The following ADAM10 variants were observed in gnomAD, a reference collection of about 807,000 sequenced individuals.
The protein encoded by ADAM10 is ADAM metallopeptidase domain 10.
Under a neutral mutation model 90.1 loss-of-function variants are expected in ADAM10, and 17 were observed. The observed-to-expected ratio is 0.19, with a 90% CI of 0.13 to 0.28. The LOEUF is 0.28. Among genes scored for constraint, ADAM10 ranks in the 10% least tolerant of loss-of-function variants. ADAM10 has a pLI of 1.00. For synonymous variants in ADAM10, 310 were observed against 298.6 expected (o/e 1.04, Z -0.40); for missense variants, 610 against 914.3 (o/e 0.67, Z 4.29).
At chr15:58,630,873 A>C (rs533613384) in intron 9 of ADAM10, among the ~76,000 whole-genome samples, 3 of 152,116 alleles carry the variant, frequency 2.0e-5, no homozygotes, top group Non-Finnish European at 2.9e-5. Flanking sequence ...TGTCCCCCCA[A>C]ATTTGATCCC....
At chr15:58,641,257 A>G (rs1161738135) in intron 7 of ADAM10, among the ~76,000 whole-genome samples, 1 of 152,234 alleles carries the variant, frequency 6.6e-6, no homozygotes, top group Non-Finnish European at 1.5e-5. Flanking sequence ...AGAAAAAACA[A>G]GTTTTGCTTT....
intron 14 of ADAM10, among the ~76,000 whole-genome samples, chr15:58,602,804 T>TC (rs1895150708): frequency 6.6e-6 from 1 of 152,176 alleles, no homozygotes; most frequent in Non-Finnish European, 1.5e-5. Context: ...AAAAACTGTA[T>TC]CATGGTTGTC....
At chr15:58,673,207 C>G (rs1352040807) in intron 4 of ADAM10, among the ~76,000 whole-genome samples, 2 of 152,102 alleles carry the variant, frequency 1.3e-5, no homozygotes, top group African/African-American at 4.8e-5. Context: ...TCAATAACCA[C>G]TAACTTTGCC....
intron 14 of ADAM10, among the ~76,000 whole-genome samples, chr15:58,601,642 T>A (rs2140989073): frequency 6.6e-6 from 1 of 152,266 alleles, no homozygotes; most frequent in African/African-American, 2.4e-5. Context: ...GCTGATACAT[T>A]ACTAACATTT....
At chr15:58,610,132 A>G in intron 14 of ADAM10, 165 bp downstream of exon 14, 1 of 705,942 alleles carries the variant, frequency 1.4e-6, no homozygotes, top group South Asian at 1.6e-5. Context: ...TGATCACTTC[A>G]GAAGGAAATA....
intron 1 of ADAM10, 82 bp from the exon 2 acceptor site, chr15:58,717,809 G>A: frequency 6.5e-7 from 1 of 1,532,692 alleles, no homozygotes; most frequent in Non-Finnish European, 8.8e-7. Flanking sequence ...AAGTATCTAT[G>A]AATATGTATG....
At chr15:58,689,277 G>A (rs1002007016) in intron 2 of ADAM10, among the ~76,000 whole-genome samples, 5 of 152,138 alleles carry the variant, frequency 3.3e-5, no homozygotes, top group Non-Finnish European at 4.4e-5. Context: ...CCTTAGCTTA[G>A]GAGTTCGAGA....
chr15:58,610,869 T>G, intron 13 of ADAM10, 130 bp downstream of exon 13: 1 of 743,080 alleles, frequency 1.3e-6, no homozygotes, highest in Non-Finnish European at 2.4e-6. Context: ...ACATTTATAA[T>G]CTCCTCAAGA....
chr15:58,623,920 C>T (rs1895859020), intron 10 of ADAM10, among the ~76,000 whole-genome samples: 1 of 150,416 alleles, frequency 6.6e-6, no homozygotes, highest in Admixed American at 6.7e-5. Flanking sequence ...CCATGGCACA[C>T]GTACACCTAT....
At chr15:58,630,993 T>C (rs1256176011) in intron 9 of ADAM10, among the ~76,000 whole-genome samples, 1 of 152,082 alleles carries the variant, frequency 6.6e-6, no homozygotes, top group Admixed American at 6.6e-5. Context: ...GAGTGCATTC[T>C]CACTCTCTTA....
chr15:58,618,065 C>T (rs1377347426), intron 11 of ADAM10, among the ~76,000 whole-genome samples: 1 of 151,936 alleles, frequency 6.6e-6, no homozygotes, highest in African/African-American at 2.4e-5. Context: ...TATGAAACCA[C>T]AGAAGCCAAT....
At chr15:58,701,020 A>C (rs200380163) in intron 2 of ADAM10, among the ~76,000 whole-genome samples, 17 of 127,412 alleles carry the variant, frequency 1.3e-4, no homozygotes, top group Non-Finnish European at 2.5e-4. Context: ...AAAACAAAAA[A>C]ACAAAAAAAA....
chr15:58,704,981 T>C (rs1898238391), intron 2 of ADAM10, among the ~76,000 whole-genome samples: 1 of 152,162 alleles, frequency 6.6e-6, no homozygotes, highest in Admixed American at 6.5e-5. Flanking sequence ...AGTAACATCA[T>C]TAGTCTCCAG....
At chr15:58,738,716 T>C (rs1899508859) in intron 1 of ADAM10, among the ~76,000 whole-genome samples, 1 of 152,236 alleles carries the variant, frequency 6.6e-6, no homozygotes, top group Admixed American at 6.5e-5. Flanking sequence ...ATTAAATTTA[T>C]ACCACTAACT....
chr15:58,611,276 A>G (rs1895430732), intron 12 of ADAM10, 169 bp from the exon 13 acceptor site: 1 of 604,104 alleles, frequency 1.7e-6, no homozygotes, highest in South Asian at 2.1e-5. Flanking sequence ...AATACATTTG[A>G]AAAAATTTGA....
At chr15:58,623,204 A>G (rs995048483) in intron 10 of ADAM10, among the ~76,000 whole-genome samples, 1 of 152,234 alleles carries the variant, frequency 6.6e-6, no homozygotes, top group Admixed American at 6.5e-5. Flanking sequence ...TCCTTTATTT[A>G]TATGTGCAAT....
rs199887325 is a variant in ADAM10, at chr15:58,611,793, T to C, written c.1695+15A>G. The stretch of plus-strand genomic sequence containing the variant: ...TTCTAAAATTAAATTTTAAAACATA[T>C]AGTTAAATGCTTACCCCATTAATGC... On this transcript the variant is annotated intron_variant, in intron 12 of 15. Coordinates refer to ENST00000260408, the MANE Select transcript of ADAM10 (RefSeq NM_001110.4). 2.1e-5 allele frequency: 34 copies of C among 1,611,922 alleles called. No homozygotes were observed. Among genetic ancestry groups the C allele is most frequent in the Non-Finnish European group, 1.9e-5 (22 of 1,178,862 alleles).
chr15:58,694,287 C>A (rs572720776), intron 2 of ADAM10, among the ~76,000 whole-genome samples: 1 of 152,096 alleles, frequency 6.6e-6, no homozygotes, highest in East Asian at 1.9e-4. Flanking sequence ...CCCGTCTGTA[C>A]TAAACATACA....
intron 1 of ADAM10, among the ~76,000 whole-genome samples, chr15:58,727,731 C>G (rs1326927050): frequency 1.3e-5 from 2 of 151,942 alleles, no homozygotes; most frequent in African/African-American, 4.8e-5. Context: ...AACATCCAAA[C>G]CCTAATCCAA....
Sources: allele counts gnomAD v4.1 joint callset (sites outside exome capture counted in the v4.1 genomes callset), GRCh38; gene constraint gnomAD v4.1.1; transcripts MANE v1.5; gene names NCBI Gene and HGNC (gene_info 2026-07-23, HGNC 2026-07-21).